MAX: variants seen among roughly 807,000 people sequenced by gnomAD.
MAX encodes the protein protein max.
Under a neutral mutation model 22.3 loss-of-function variants are expected in MAX, and 3 were observed. The ratio of observed to expected loss-of-function variants is 0.13; its 90% CI spans 0.06 to 0.35. The LOEUF (loss-of-function observed/expected upper bound fraction) is 0.35, where lower values mean the gene tolerates loss of function less well. MAX is among the 10% of genes least tolerant of loss of function. The probability of loss-of-function intolerance (pLI) is 1.00; values close to 1 mark genes in which losing one functional copy is unlikely to be tolerated. For missense variants in MAX, 119 were observed against 209.4 expected, an observed-to-expected ratio of 0.57 and a Z score of 2.66; for synonymous variants, 72 against 77.7, an observed-to-expected ratio of 0.93 and a Z score of 0.39.
In MAX at chr14:65,032,752, A is replaced by C. The variant is rs1027102783; in HGVS notation, c.172-26468T>G. On this transcript the variant is annotated intron_variant, in intron 3 of 3. Transcript: ENST00000341653. The surrounding 1 kb of genome is among the most constrained non-coding windows in gnomAD (Gnocchi z 5.0). The stretch of plus-strand genomic sequence containing the variant: ...TTGGAGAGCAGGCGGTCACGACACT[A>C]CTTCAGAAAAATAAAGAAAATGCAG... The C allele has an allele frequency of 1.3e-6, 2 of 1,540,616 alleles. No homozygotes were observed. The highest frequency in any genetic ancestry group is 2.8e-5 in the African/African-American group (2 of 72,024).
At chr14:65,008,475 A>G (rs1473000557) in intron 3 of MAX, among the ~76,000 whole-genome samples, 2 of 152,246 alleles carry the variant, frequency 1.3e-5, no homozygotes, top group Non-Finnish European at 2.9e-5. Flanking sequence ...GGGGAGGTGG[A>G]CATTAAACAA....
chr14:65,013,725 T>G (rs1470076778), intron 3 of MAX, among the ~76,000 whole-genome samples: 1 of 152,138 alleles, frequency 6.6e-6, no homozygotes, highest in Non-Finnish European at 1.5e-5. Context: ...TTTTTGTATT[T>G]TTAGTAGAGA....
chr14:65,099,892 G>A lies in MAX; in HGVS notation c.63+1654C>T, dbSNP rs74535993. Among the ~76,000 whole-genome samples, 49 of 152,208 alleles carry A rather than the reference G, an allele frequency of 3.2e-4. 2 individuals are homozygous for A. The East Asian group carries it at 6.7e-3, about 21-fold the overall frequency. On this transcript the variant is annotated intron_variant, in intron 2 of 4. Transcript: ENST00000358664. ...AGACTTTTGGAACAACTACATCCCC[G>A]GATTTTATGGAAATATCAGCTCTCA...
rs927121915 is a variant in MAX at position 65,032,854 on chromosome 14, G to A, written c.172-26570C>T. ...AATGATTTTTTTAAATACTTAAAAT[G>A]TCTTCTTTTTTCCAAACTTTCTTTA... On this transcript the variant is annotated intron_variant, in intron 3 of 3. Coordinates refer to the MAX transcript ENST00000341653. This position sits in a 1 kb window ranked among gnomAD's most constrained non-coding sequence, Gnocchi z 5.0. 2.1e-4 allele frequency among the ~76,000 whole-genome samples: 32 copies of A among 152,144 alleles called. No homozygotes were observed. The highest frequency in any genetic ancestry group is 7.5e-4 in the African/African-American group (31 of 41,430).
At chr14:65,073,125 T>C (rs1262247084), downstream of MAX, among the ~76,000 whole-genome samples, 1 of 152,218 alleles carries the variant, frequency 6.6e-6, no homozygotes, top group Admixed American at 6.5e-5. Context: ...TTAAGCCTCA[T>C]AACCATCTCA....
Position 65,014,737 on chromosome 14 carries a change from C to T in MAX, c.172-8453G>A, listed in dbSNP as rs1211812543. ...GCTGAGGTGGGAGGATTGCTTGAGC[C>T]CGGGAGGTTGAGGCTGCAGTGAGCT... On this transcript the variant is annotated intron_variant, in intron 3 of 3. Coordinates refer to the MAX transcript ENST00000341653. The surrounding 1 kb of genome is among the most constrained non-coding windows in gnomAD (Gnocchi z 5.1). Among the ~76,000 whole-genome samples, 1 of 152,040 alleles carries T rather than the reference C, an allele frequency of 6.6e-6. No individual in the cohort carries two copies. Among genetic ancestry groups the T allele is most frequent in the African/African-American group, 2.4e-5 (1 of 41,390 alleles).
Position 65,044,622 on chromosome 14 carries a change from T to C in MAX, c.172-38338A>G. On this transcript the variant is annotated intron_variant, in intron 3 of 3. Transcript: ENST00000341653. The surrounding 1 kb of genome is among the most constrained non-coding windows in gnomAD (Gnocchi z 5.5). ...TGCGAATGCAGAGTAAGATTTAGTT[T>C]CATTGGTTTAGTGTCATTCTTTGCT... 1 of 936,512 alleles carries C rather than the reference T, an allele frequency of 1.1e-6. No homozygotes were observed. Among genetic ancestry groups the C allele is most frequent in the Non-Finnish European group, 1.5e-6 (1 of 669,274 alleles). The allele number at this position is 936,512 out of a possible 1,614,324, so 58.0% of individuals were successfully genotyped here. A position where few individuals can be genotyped will look rare whatever the true frequency, so the allele number is the denominator to read the frequency against.
In MAX at chr14:65,027,905, T is replaced by A; in HGVS notation, c.172-21621A>T. The A allele has an allele frequency of 1.6e-6, 2 of 1,265,180 alleles. No individual in the cohort carries two copies. The highest frequency in any genetic ancestry group is 2.5e-5 in the East Asian group (1 of 40,346). 78.4% of individuals were successfully genotyped at this position (1,265,180 alleles called of 1,614,324 possible). ...CTTTGTCCCAGAATGACACATGGGA[T>A]GACATGTCAGTGACACGTCAGAATC... On this transcript the variant is annotated intron_variant, in intron 3 of 3. Transcript: ENST00000341653. This position sits in a 1 kb window ranked among gnomAD's most constrained non-coding sequence, Gnocchi z 5.7.
chr14:65,093,906 C>T lies in MAX; in HGVS notation c.64-91G>A. 2.5e-6 allele frequency: 2 copies of T among 802,808 alleles called. No individual in the cohort carries two copies. Among genetic ancestry groups the T allele is most frequent in the African/African-American group, 1.7e-5 (1 of 59,792 alleles). 49.7% of individuals were successfully genotyped at this position (802,808 alleles called of 1,614,324 possible). Reference sequence around the variant, plus strand: ...GGTACAGCCTGGAAGTACACGCTGTCAGCACTGTCCCTGGCGAGTGGACTG... The same window carrying T: ...GGTACAGCCTGGAAGTACACGCTGTTAGCACTGTCCCTGGCGAGTGGACTG... On this transcript the variant is annotated intron_variant, in intron 2 of 4. Coordinates refer to ENST00000358664, the MANE Select transcript of MAX (RefSeq NM_002382.5). This position sits in a 1 kb window ranked among gnomAD's most constrained non-coding sequence, Gnocchi z 4.4.
chr14:65,044,317 G>A lies in MAX; in HGVS notation c.172-38033C>T. On this transcript the variant is annotated intron_variant, in intron 3 of 3. Coordinates refer to the MAX transcript ENST00000341653. This position sits in a 1 kb window ranked among gnomAD's most constrained non-coding sequence, Gnocchi z 5.5. ...CCCATCTGTGTCTCCTCAGCAATGG[G>A]TGACAAGCCGGCAGATGCGATTTGA... The A allele has an allele frequency of 6.2e-7, 1 of 1,613,360 alleles. No individual in the cohort carries two copies. Among genetic ancestry groups the A allele is most frequent in the South Asian group, 1.1e-5 (1 of 90,818 alleles).
chr14:65,055,206 C>T (rs1487035050), intron 3 of MAX, among the ~76,000 whole-genome samples: 2 of 152,144 alleles, frequency 1.3e-5, no homozygotes, highest in Non-Finnish European at 2.9e-5. Flanking sequence ...GTGTGTTTGT[C>T]TGCTTTCCTG....
In MAX at chr14:65,075,495, A is replaced by G; in HGVS notation, c.*981T>C. On this transcript the variant is annotated 3_prime_UTR_variant, in exon 5 of 5. Coordinates refer to ENST00000358664, the MANE Select transcript of MAX (RefSeq NM_002382.5). This position sits in a 1 kb window ranked among gnomAD's most constrained non-coding sequence, Gnocchi z 4.1. ...CAGGTAAATTGCTCTTGGTATTTAC[A>G]TACAAAATCAGTTGGCTCTATTTCT... is the stretch of plus-strand genomic sequence containing the variant. The G allele has an allele frequency of 9.4e-7, 1 of 1,064,866 alleles. No individual in the cohort carries two copies. Among genetic ancestry groups the G allele is most frequent in the East Asian group, 5.0e-5 (1 of 19,940 alleles). The allele number at this position is 1,064,866 out of a possible 1,614,324, so 66.0% of individuals were successfully genotyped here. A position where few individuals can be genotyped will look rare whatever the true frequency, so the allele number is the denominator to read the frequency against.
rs1399976166 is a variant in MAX, at chr14:65,076,720, A to G, written c.296-57T>C. The G allele has an allele frequency of 6.2e-7, 1 of 1,606,040 alleles. No individual in the cohort carries two copies. Among genetic ancestry groups the G allele is most frequent in the African/African-American group, 1.3e-5 (1 of 74,762 alleles). On this transcript the variant is annotated intron_variant, in intron 4 of 4. Transcript: ENST00000358664. The surrounding 1 kb of genome is among the most constrained non-coding windows in gnomAD (Gnocchi z 6.6). ...CTTCTGGAGACTTGGGGAGTAACCG[A>G]GTCTCAGACTCAGGGTCCAGCCTGT...
At chr14:65,091,153 C>T (rs1290077733) in intron 3 of MAX, among the ~76,000 whole-genome samples, 1 of 151,808 alleles carries the variant, frequency 6.6e-6, no homozygotes. Context: ...TACATAATGT[C>T]ATAACCTTAA....
intron 3 of MAX, among the ~76,000 whole-genome samples, chr14:65,035,265 A>G (rs1397171765): frequency 6.6e-6 from 1 of 152,142 alleles, no homozygotes; most frequent in African/African-American, 2.4e-5. Flanking sequence ...CCAGAGAGAA[A>G]AAGTTGTGGG....
chr14:65,010,277 C>G (rs73268767), intron 3 of MAX, among the ~76,000 whole-genome samples: 1,596 of 152,344 alleles, frequency 0.01, 26 homozygotes, highest in East Asian at 0.081. Flanking sequence ...GGTCTTCCCA[C>G]AGTTTTGTTT....
chr14:65,040,031 A>G (rs1339253528), intron 3 of MAX, among the ~76,000 whole-genome samples: 1 of 152,076 alleles, frequency 6.6e-6, no homozygotes, highest in Non-Finnish European at 1.5e-5. Flanking sequence ...TCTACAAAAA[A>G]TACAAAAAAT....
chr14:65,083,924 A>G, intron 3 of MAX: 2 of 1,315,460 alleles, frequency 1.5e-6, no homozygotes, highest in Non-Finnish European at 2.0e-6. Flanking sequence ...AAGAATATGC[A>G]CAATAAATTT....
chr14:65,057,619 A>G (rs1038086235), intron 3 of MAX, among the ~76,000 whole-genome samples: 1 of 152,208 alleles, frequency 6.6e-6, no homozygotes, highest in Non-Finnish European at 1.5e-5. Context: ...GATGCGTGCT[A>G]TGAAGGGAAT....
Sources: allele counts gnomAD v4.1 joint callset (sites outside exome capture counted in the v4.1 genomes callset), GRCh38; gene constraint gnomAD v4.1.1; non-coding constraint Gnocchi (gnomAD v3.1); transcripts MANE v1.5; gene names NCBI Gene and HGNC (gene_info 2026-07-23, HGNC 2026-07-21).